TMCC3: variants seen among roughly 807,000 people sequenced by gnomAD.
TMCC3 encodes the protein transmembrane and coiled-coil domain protein 3.
A neutral mutation model predicts 40.2 loss-of-function variants in TMCC3; 28 were observed. The ratio of observed to expected loss-of-function variants is 0.70; its 90% confidence interval spans 0.52 to 0.95. TMCC3 has a LOEUF of 0.95. TMCC3 is among the 40% of genes least tolerant of loss of function. The pLI is 0.00. For synonymous variants in TMCC3, 255 were observed against 248.5 expected (o/e 1.03, Z -0.25); for missense variants, 554 against 615.2 (o/e 0.90, Z 1.05).
chr12:94,635,909 T>C lies in TMCC3; in HGVS notation c.78+14444A>G, dbSNP rs533642054. On this transcript the variant is annotated intron_variant, in intron 1 of 3. Transcript: ENST00000261226. ...GTCTGGAACTCCTGACCTCAAGTGA[T>C]CCACCTGCCTCGGCCTCCCAAAGTG... Among the ~76,000 whole-genome samples the C allele has an allele frequency of 5.9e-5, 9 of 152,242 alleles. No homozygotes were observed. The South Asian group carries it at 1.9e-3, about 32-fold the overall frequency.
chr12:94,624,644 G>A (rs953346793), intron 1 of TMCC3, among the ~76,000 whole-genome samples: 2 of 151,354 alleles, frequency 1.3e-5, no homozygotes, highest in African/African-American at 4.9e-5. Context: ...AGTCTGGGAG[G>A]CAGAGGTTGC....
chr12:94,602,319 G>A (rs1281724399), intron 1 of TMCC3, among the ~76,000 whole-genome samples: 1 of 152,182 alleles, frequency 6.6e-6, no homozygotes, highest in African/African-American at 2.4e-5. Context: ...CTTACCCTAA[G>A]ACCTCGCATA....
At chr12:94,638,928 C>G (rs2068974766) in intron 1 of TMCC3, among the ~76,000 whole-genome samples, 1 of 152,200 alleles carries the variant, frequency 6.6e-6, no homozygotes, top group African/African-American at 2.4e-5. Context: ...GGCTGCAGCT[C>G]AAGACACCAT....
intron 1 of TMCC3, among the ~76,000 whole-genome samples, chr12:94,637,503 T>C (rs1381029127): frequency 6.6e-6 from 1 of 152,226 alleles, no homozygotes; most frequent in African/African-American, 2.4e-5. Flanking sequence ...TTAATGATAG[T>C]TACACAAAGT....
In TMCC3 at chr12:94,596,426, C is replaced by T. The variant is rs139962022; in HGVS notation, c.79-13888G>A. Reference sequence around the variant, plus strand: ...CACTTTGCTATTTCTATGTCTGTTCCTCACCCTAGCATGGTCTCCTTCCCA... The same window carrying T: ...CACTTTGCTATTTCTATGTCTGTTCTTCACCCTAGCATGGTCTCCTTCCCA... On this transcript the variant is annotated intron_variant, in intron 1 of 3. Transcript: ENST00000261226. Among the ~76,000 whole-genome samples, 1,181 of 152,264 alleles carry T rather than the reference C, an allele frequency of 7.8e-3. 7 individuals are homozygous for T. Among genetic ancestry groups the T allele is most frequent in the Non-Finnish European group, 0.011 (781 of 68,014 alleles).
intron 1 of TMCC3, among the ~76,000 whole-genome samples, chr12:94,624,327 C>T (rs374420932): frequency 7.9e-5 from 12 of 152,332 alleles, no homozygotes; most frequent in East Asian, 7.7e-4. Flanking sequence ...AAAACTTACA[C>T]AGAAGTGTTC....
intron 1 of TMCC3, chr12:94,615,835 G>T (rs1021241129): frequency 1.8e-5 from 13 of 727,778 alleles, no homozygotes; most frequent in Non-Finnish European, 2.2e-5. Flanking sequence ...TTTCTTTCTG[G>T]CATCTCCCAG....
chr12:94,595,347 A>C (rs1158599659), intron 1 of TMCC3, among the ~76,000 whole-genome samples: 2 of 152,208 alleles, frequency 1.3e-5, no homozygotes, highest in Non-Finnish European at 2.9e-5. Context: ...AACCATACCC[A>C]GCTCATGAAC....
intron 1 of TMCC3, among the ~76,000 whole-genome samples, chr12:94,590,576 A>G (rs1048016837): frequency 6.6e-6 from 1 of 152,202 alleles, no homozygotes; most frequent in African/African-American, 2.4e-5. Context: ...GGAAAAGGCA[A>G]ACAGCAGATA....
At chr12:94,583,561 C>G (rs2068620348) in intron 1 of TMCC3, among the ~76,000 whole-genome samples, 1 of 152,138 alleles carries the variant, frequency 6.6e-6, no homozygotes, top group South Asian at 2.1e-4. Context: ...AAATAGTTTT[C>G]TCACTCAAGG....
chr12:94,601,642 C>G (rs1488181362), intron 1 of TMCC3, among the ~76,000 whole-genome samples: 1 of 151,360 alleles, frequency 6.6e-6, no homozygotes, highest in African/African-American at 2.4e-5. Flanking sequence ...CTGGCCAACC[C>G]TATCTCTACT....
At chr12:94,648,065 C>G (rs1217201577) in intron 1 of TMCC3, among the ~76,000 whole-genome samples, 2 of 152,156 alleles carry the variant, frequency 1.3e-5, no homozygotes, top group East Asian at 3.8e-4. Context: ...CTGATTTCCT[C>G]TCTTCACTAG....
chr12:94,592,181 C>T (rs1026083138), intron 1 of TMCC3, among the ~76,000 whole-genome samples: 2 of 152,136 alleles, frequency 1.3e-5, no homozygotes, highest in East Asian at 3.8e-4. Flanking sequence ...GGAACATTTC[C>T]TTTCATAGTT....
chr12:94,567,619 A>T lies in TMCC3; in HGVS notation c.*3816T>A, dbSNP rs1051256595. On this transcript the variant is annotated 3_prime_UTR_variant, in exon 4 of 4. Transcript: ENST00000261226. ...TAAGCCAATTTCATTCTTTGCAGTG[A>T]TTTATCTTTTTAAACCAACTCGTTC... 6.6e-6 allele frequency: 1 copy of T among 151,676 alleles called. No homozygotes were observed. Among genetic ancestry groups the T allele is most frequent in the Non-Finnish European group, 1.5e-5 (1 of 67,940 alleles). 9.4% of individuals were successfully genotyped at this position (151,676 alleles called of 1,614,324 possible).
intron 1 of TMCC3, among the ~76,000 whole-genome samples, chr12:94,643,003 C>T (rs1308496337): frequency 1.3e-5 from 2 of 152,036 alleles, no homozygotes; most frequent in South Asian, 2.1e-4. Context: ...CCATCCTGGC[C>T]AACATAGTGA....
intron 1 of TMCC3, among the ~76,000 whole-genome samples, chr12:94,600,251 T>G (rs1185203480): frequency 2.0e-5 from 3 of 149,582 alleles, no homozygotes; most frequent in Admixed American, 6.6e-5. Flanking sequence ...TTTTTTTTTT[T>G]TTTTTTTTTT....
At chr12:94,602,710 C>T (rs1307378469) in intron 1 of TMCC3, among the ~76,000 whole-genome samples, 1 of 152,128 alleles carries the variant, frequency 6.6e-6, no homozygotes, top group Admixed American at 6.5e-5. Flanking sequence ...TCCTCAGCAT[C>T]CCAAGTAACC....
intron 1 of TMCC3, among the ~76,000 whole-genome samples, chr12:94,604,803 C>CAAAAAAAAAAAA (rs11400128): frequency 1.9e-5 from 1 of 53,318 alleles, no homozygotes; most frequent in Non-Finnish European, 3.2e-5. Flanking sequence ...GACTTCATCT[C>CAAAAAAAAAAAA]AAAAAAAAAA....
rs142235458 is a variant in TMCC3 at position 94,636,319 on chromosome 12, G to A, written c.78+14034C>T. ...CTTTTAAAAAATCTCAAAGTACAAAGGCCATTCTAAGAATGATACAAACCT... is the reference window on the plus strand; with the variant it reads ...CTTTTAAAAAATCTCAAAGTACAAAAGCCATTCTAAGAATGATACAAACCT... On this transcript the variant is annotated intron_variant, in intron 1 of 3. Transcript: ENST00000261226. Among the ~76,000 whole-genome samples, 383 of 152,266 alleles carry A rather than the reference G, an allele frequency of 2.5e-3. 2 individuals carry two copies. The highest frequency in any genetic ancestry group is 9.0e-3 in the African/African-American group (374 of 41,558).
Sources: allele counts gnomAD v4.1 joint callset (sites outside exome capture counted in the v4.1 genomes callset), GRCh38; gene constraint gnomAD v4.1.1; transcripts MANE v1.5; gene names NCBI Gene and HGNC (gene_info 2026-07-23, HGNC 2026-07-21).